MAGI2: variants seen among roughly 807,000 people sequenced by gnomAD.
MAGI2 encodes membrane-associated guanylate kinase, WW and PDZ domain-containing protein 2.
A neutral mutation model predicts 133.3 loss-of-function variants in MAGI2; 35 were observed. The observed-to-expected ratio is 0.26, with a 90% CI of 0.20 to 0.35. The LOEUF is 0.35. MAGI2 is among the 10% of genes least tolerant of loss of function. The probability of loss-of-function intolerance (pLI) is 1.00; values close to 1 mark genes in which losing one functional copy is unlikely to be tolerated. For missense variants in MAGI2, 1,636 were observed against 1,863.4 expected (o/e 0.88, Z 2.25); for synonymous variants, 729 against 710.6 (o/e 1.03, Z -0.41).
chr7:78,896,323 C>T (rs1797209455), intron 2 of MAGI2, among the ~76,000 whole-genome samples: 1 of 151,914 alleles, frequency 6.6e-6, no homozygotes, highest in Non-Finnish European at 1.5e-5. Flanking sequence ...TTAGCATTTT[C>T]CTTGTCCTCA....
At chr7:79,064,867 G>C (rs888739586) in intron 1 of MAGI2, among the ~76,000 whole-genome samples, 7 of 152,144 alleles carry the variant, frequency 4.6e-5, no homozygotes, top group Admixed American at 3.3e-4. Context: ...TAATATTCTT[G>C]AAATAATGTA....
intron 21 of MAGI2, among the ~76,000 whole-genome samples, chr7:78,027,798 ACT>A (rs949498877): frequency 2.6e-5 from 4 of 152,218 alleles, no homozygotes; most frequent in Admixed American, 2.0e-4. Flanking sequence ...TACTGGAGAC[ACT>A]GAGTCACTTT....
intron 1 of MAGI2, among the ~76,000 whole-genome samples, chr7:79,204,696 A>G (rs1828890053): frequency 1.3e-5 from 2 of 152,070 alleles, no homozygotes; most frequent in African/African-American, 4.8e-5. Flanking sequence ...GTGAACTTCA[A>G]GAAAATACAG....
intron 2 of MAGI2, among the ~76,000 whole-genome samples, chr7:78,910,621 C>T (rs548720512): frequency 2.0e-5 from 3 of 152,218 alleles, no homozygotes; most frequent in African/African-American, 7.2e-5. Context: ...TTAACTATTG[C>T]AAGGTTTCAA....
At chr7:79,220,879 C>G (rs1830395864) in intron 1 of MAGI2, among the ~76,000 whole-genome samples, 1 of 151,954 alleles carries the variant, frequency 6.6e-6, no homozygotes, top group Non-Finnish European at 1.5e-5. Flanking sequence ...CTAAGAGTCA[C>G]CTGAGAAAAA....
chr7:78,757,264 T>G (rs921405295), intron 2 of MAGI2, among the ~76,000 whole-genome samples: 1 of 151,630 alleles, frequency 6.6e-6, no homozygotes, highest in Non-Finnish European at 1.5e-5. Context: ...CTTAAAGACA[T>G]TGAAATCTCC....
chr7:78,167,070 C>T (rs775805854), intron 15 of MAGI2, among the ~76,000 whole-genome samples: 5 of 151,938 alleles, frequency 3.3e-5, no homozygotes, highest in East Asian at 3.9e-4. Flanking sequence ...GAGAAGCCAG[C>T]GGGCCGCTGG....
rs74818547 is a variant in MAGI2, at chr7:78,166,106, A to T, written c.2596+1810T>A. Among the ~76,000 whole-genome samples the T allele has an allele frequency of 5.3e-5, 8 of 152,364 alleles. No homozygotes were observed. In the East Asian group the frequency reaches 1.5e-3, roughly 29 times the overall value. ...ACTGAGTAAAGTTGGTAAGAGCTGC[A>T]GCAAAGAGCATCTTTACGGAAGTCA... On this transcript the variant is annotated intron_variant, in intron 15 of 21. Coordinates refer to ENST00000354212, the MANE Select transcript of MAGI2 (RefSeq NM_012301.4).
chr7:78,669,115 A>G (rs553345104), intron 2 of MAGI2, among the ~76,000 whole-genome samples: 1 of 152,292 alleles, frequency 6.6e-6, no homozygotes, highest in South Asian at 2.1e-4. Flanking sequence ...CCTTTCAAAA[A>G]ATTAATGAAT....
chr7:79,178,571 G>C (rs1211473375), intron 1 of MAGI2, among the ~76,000 whole-genome samples: 1 of 151,724 alleles, frequency 6.6e-6, no homozygotes, highest in Admixed American at 6.6e-5. Context: ...AATTAGCCAG[G>C]CATGGTGGCA....
intron 2 of MAGI2, among the ~76,000 whole-genome samples, chr7:78,712,848 T>G (rs925280975): frequency 2.0e-5 from 3 of 152,240 alleles, no homozygotes; most frequent in Admixed American, 6.5e-5. Flanking sequence ...AATTTAAATC[T>G]TCCATCCCCA....
At chr7:79,139,671 G>C (rs866166842) in intron 1 of MAGI2, among the ~76,000 whole-genome samples, 3 of 152,158 alleles carry the variant, frequency 2.0e-5, no homozygotes, top group African/African-American at 7.2e-5. Flanking sequence ...TACTATACAC[G>C]AATTGAGTGG....
chr7:78,028,826 G>A (rs369661726), intron 21 of MAGI2, among the ~76,000 whole-genome samples: 1 of 135,148 alleles, frequency 7.4e-6, no homozygotes, highest in African/African-American at 2.7e-5. Flanking sequence ...TCCAGCCTGG[G>A]CAACAGAGCA....
rs547791751 is a variant in MAGI2, at chr7:78,618,378, C to T, written c.538+8742G>A. ...ATATATATTCATAGCTGCAGCAATA[C>T]ACTCATTAAATTATGATATATTATC... On this transcript the variant is annotated intron_variant, in intron 3 of 21. Coordinates refer to ENST00000354212, the MANE Select transcript of MAGI2 (RefSeq NM_012301.4). 3 of 152,018 alleles carry T rather than the reference C, an allele frequency of 2.0e-5. No individual in the cohort carries two copies. The East Asian group carries it at 5.8e-4, about 29-fold the overall frequency. 9.4% of individuals were successfully genotyped at this position (152,018 alleles called of 1,614,324 possible).
intron 1 of MAGI2, among the ~76,000 whole-genome samples, chr7:79,322,788 A>AAAAAAG (rs200744790): frequency 6.7e-6 from 1 of 150,330 alleles, no homozygotes; most frequent in African/African-American, 2.4e-5. Context: ...TCAAAAAAAA[A>AAAAAAG]AAAAAGAAAA....
chr7:78,546,742 T>C (rs1371369543), intron 3 of MAGI2, among the ~76,000 whole-genome samples: 1 of 152,130 alleles, frequency 6.6e-6, no homozygotes, highest in East Asian at 1.9e-4. Flanking sequence ...GTATAACCTA[T>C]GGACTCAAAT....
At chr7:78,683,482 G>A (rs1815920359) in intron 2 of MAGI2, among the ~76,000 whole-genome samples, 3 of 152,136 alleles carry the variant, frequency 2.0e-5, no homozygotes, top group Admixed American at 2.0e-4. Context: ...GATGAGTTTT[G>A]ACAAAGTTTG....
intron 10 of MAGI2, among the ~76,000 whole-genome samples, chr7:78,251,246 G>C (rs1330592387): frequency 1.3e-5 from 2 of 151,902 alleles, no homozygotes; most frequent in African/African-American, 4.8e-5. Context: ...CCTGATAAAG[G>C]GCATATAAAA....
At chr7:78,334,329 T>G (rs1789531952) in intron 9 of MAGI2, among the ~76,000 whole-genome samples, 1 of 149,956 alleles carries the variant, frequency 6.7e-6, no homozygotes, top group African/African-American at 2.5e-5. Flanking sequence ...CTCAGGTTAA[T>G]CCTCACTCTT....
Sources: gnomAD v4.1 joint callset for allele counts (sites outside exome capture counted in the v4.1 genomes callset) on GRCh38, gnomAD v4.1.1 for gene constraint, MANE v1.5 for transcripts, NCBI Gene and HGNC (gene_info 2026-07-23, HGNC 2026-07-21) for gene names.